Variants in PXDNL observed in about 807,000 individuals in gnomAD.
The protein encoded by PXDNL is peroxidasin like.
PXDNL carries 145 observed loss-of-function variants against 150.8 expected under a neutral mutation model. The observed-to-expected ratio is 0.96, with a 90% confidence interval of 0.84 to 1.10. The LOEUF is 1.10. Ranked by LOEUF, PXDNL falls within the 50% of genes least tolerant of loss-of-function variation. PXDNL has a pLI of 0.00. For missense variants in PXDNL, 2,087 were observed against 1,873.9 expected, an observed-to-expected ratio of 1.11 and a Z score of -2.10; for synonymous variants, 757 against 725.7, an observed-to-expected ratio of 1.04 and a Z score of -0.69.
At chr8:51,344,310 G>A (rs1806079404) in intron 20 of PXDNL, among the ~76,000 whole-genome samples, 1 of 151,878 alleles carries the variant, frequency 6.6e-6, no homozygotes, top group South Asian at 2.1e-4. Flanking sequence ...TTTAGAGATG[G>A]AGTCTCACTT....
chr8:51,453,908 C>CATACATAT, intron 9 of PXDNL, 123 bp from the exon 10 acceptor site: 1 of 783,246 alleles, frequency 1.3e-6, no homozygotes, highest in Non-Finnish European at 2.0e-6. Flanking sequence ...AAATATTACA[C>CATACATAT]ATATATATAT....
At chr8:51,596,772 ATTGT>A (rs1293768493) in intron 2 of PXDNL, among the ~76,000 whole-genome samples, 3 of 151,752 alleles carry the variant, frequency 2.0e-5, no homozygotes, top group African/African-American at 7.3e-5. Context: ...TGCTTGTTCA[ATTGT>A]TTAAGTTCCT....
At chr8:51,495,110 C>A (rs975571140) in intron 5 of PXDNL, among the ~76,000 whole-genome samples, 6 of 151,962 alleles carry the variant, frequency 3.9e-5, no homozygotes, top group Admixed American at 1.3e-4. Flanking sequence ...CAAACTAGAA[C>A]CCAGGATTAA....
chr8:51,360,791 T>C (rs1586033530), intron 19 of PXDNL, among the ~76,000 whole-genome samples: 3 of 152,354 alleles, frequency 2.0e-5, no homozygotes. Flanking sequence ...ATGCAAATGC[T>C]GGTCTGGAAC....
At chr8:51,809,142 T>C (rs199756803) in intron 1 of PXDNL, 39 bp downstream of exon 1, 85 of 1,604,992 alleles carry the variant, frequency 5.3e-5, no homozygotes, top group African/African-American at 2.4e-4. Context: ...CAATGAAGCA[T>C]TGGGGAAGAG....
chr8:51,507,612 C>T (rs764295850), intron 4 of PXDNL, among the ~76,000 whole-genome samples: 1 of 152,182 alleles, frequency 6.6e-6, no homozygotes, highest in Non-Finnish European at 1.5e-5. Context: ...AGCAGCTATG[C>T]AAACAAAGGA....
chr8:51,414,807 A>C (rs1435010735), intron 14 of PXDNL, among the ~76,000 whole-genome samples: 1 of 152,228 alleles, frequency 6.6e-6, no homozygotes, highest in Non-Finnish European at 1.5e-5. Flanking sequence ...ACTAAGAAAC[A>C]AATATATAGG....
At chr8:51,474,824 AGGAAATTGGC>A (rs1417346904) in intron 7 of PXDNL, 138 bp downstream of exon 7, 4 of 548,572 alleles carry the variant, frequency 7.3e-6, no homozygotes, top group Non-Finnish European at 1.2e-5. Context: ...GATGATGGAA[AGGAAATTGGC>A]CATACTTTTA....
chr8:51,751,942 C>T (rs914498869), intron 1 of PXDNL, among the ~76,000 whole-genome samples: 1 of 152,124 alleles, frequency 6.6e-6, no homozygotes, highest in African/African-American at 2.4e-5. Flanking sequence ...GGCCCAATAA[C>T]AAGATGCAGA....
At chr8:51,352,439 C>A (rs997570926) in intron 19 of PXDNL, among the ~76,000 whole-genome samples, 6 of 152,090 alleles carry the variant, frequency 3.9e-5, no homozygotes, top group African/African-American at 1.2e-4. Context: ...TAATTGTAAG[C>A]CCCACATGTC....
At chr8:51,596,622 A>C (rs1813572737) in intron 2 of PXDNL, among the ~76,000 whole-genome samples, 1 of 151,960 alleles carries the variant, frequency 6.6e-6, no homozygotes, top group African/African-American at 2.4e-5. Context: ...GTAGTATCTT[A>C]TTGTGGTTTT....
At position 51,478,559 on chromosome 8, in the gene PXDNL, A is replaced by G. The variant is rs529954980; in HGVS notation, c.525-3418T>C. Among the ~76,000 whole-genome samples, 13 of 152,308 alleles carry G rather than the reference A, an allele frequency of 8.5e-5. No homozygotes were observed. The South Asian group carries it at 2.3e-3, about 27-fold the overall frequency. On this transcript the variant is annotated intron_variant, in intron 6 of 22. Transcript: ENST00000356297. ...TGATTTTTACAGTCCACTTGTGAGG[A>G]GTGTAGTTGTCATGAGTTAGAAATG...
chr8:51,734,652 C>A (rs1038870560), intron 1 of PXDNL, among the ~76,000 whole-genome samples: 15 of 152,186 alleles, frequency 9.9e-5, no homozygotes, highest in African/African-American at 3.6e-4. Context: ...AAATACCAGA[C>A]AAAACCATCT....
intron 1 of PXDNL, among the ~76,000 whole-genome samples, chr8:51,668,401 C>T (rs1585661461): frequency 6.6e-6 from 1 of 152,002 alleles, no homozygotes; most frequent in South Asian, 2.1e-4. Flanking sequence ...TCTCGAACCC[C>T]TGACCTCAAG....
chr8:51,747,223 A>T (rs1563308590), intron 1 of PXDNL, among the ~76,000 whole-genome samples: 1 of 152,156 alleles, frequency 6.6e-6, no homozygotes, highest in East Asian at 1.9e-4. Flanking sequence ...CACCCTCTCC[A>T]CTGGACATGG....
At chr8:51,382,239 G>A (rs9785122) in intron 17 of PXDNL, among the ~76,000 whole-genome samples, 4,511 of 152,142 alleles carry the variant, frequency 0.03, 226 homozygotes, top group African/African-American at 0.1. Context: ...TGCAAGCCAG[G>A]GAAACCAAGG....
At chr8:51,371,839 C>T in intron 19 of PXDNL, 34 bp downstream of exon 19, 1 of 1,527,076 alleles carries the variant, frequency 6.5e-7, no homozygotes, top group Non-Finnish European at 9.1e-7. Context: ...ACATGCACAT[C>T]AATCCAGATC....
chr8:51,804,129 A>G lies in PXDNL; in HGVS notation c.164+5052T>C, dbSNP rs145368998. On this transcript the variant is annotated intron_variant, in intron 1 of 22. Coordinates refer to ENST00000356297, the MANE Select transcript of PXDNL (RefSeq NM_144651.5). ...ACATGAGACATCAATCAGTTTATGT[A>G]AGATGAATATTGATTTGGTCTGGAA... 2.6e-3 allele frequency among the ~76,000 whole-genome samples: 393 copies of G among 152,366 alleles called. 2 individuals are homozygous for G. Among genetic ancestry groups the G allele is most frequent in the African/African-American group, 9.1e-3 (377 of 41,592 alleles).
chr8:51,414,130 G>A (rs1174637513), intron 14 of PXDNL, among the ~76,000 whole-genome samples: 1 of 151,876 alleles, frequency 6.6e-6, no homozygotes, highest in Non-Finnish European at 1.5e-5. Flanking sequence ...GGTATTGTAT[G>A]TATTATCCAA....
Sources: allele counts gnomAD v4.1 joint callset (sites outside exome capture counted in the v4.1 genomes callset), GRCh38; gene constraint gnomAD v4.1.1; transcripts MANE v1.5; gene names NCBI Gene and HGNC (gene_info 2026-07-23, HGNC 2026-07-21).